Variants in CCDC192 observed in about 807,000 individuals in gnomAD.
CCDC192 encodes the protein coiled-coil domain-containing protein 192.
intron 3 of CCDC192, among the ~76,000 whole-genome samples, chr5:127,760,333 A>G (rs966395837): frequency 6.6e-6 from 1 of 151,652 alleles, no homozygotes; most frequent in Non-Finnish European, 1.5e-5. Flanking sequence ...AAGACTGGGA[A>G]ACAAAAATAA....
At chr5:127,863,807 G>A (rs1751476745) in intron 5 of CCDC192, among the ~76,000 whole-genome samples, 1 of 152,114 alleles carries the variant, frequency 6.6e-6, no homozygotes, top group Non-Finnish European at 1.5e-5. Context: ...TTTAGATAAG[G>A]CACTATAAAA....
At chr5:127,907,285 T>C (rs1023313969) in intron 6 of CCDC192, among the ~76,000 whole-genome samples, 3 of 152,154 alleles carry the variant, frequency 2.0e-5, no homozygotes, top group African/African-American at 4.8e-5. Flanking sequence ...AATTCATTTA[T>C]ATAGGGGTAT....
chr5:127,832,437 T>C (rs1749842514), intron 5 of CCDC192, among the ~76,000 whole-genome samples: 1 of 152,144 alleles, frequency 6.6e-6, no homozygotes, highest in South Asian at 2.1e-4. Context: ...CAAAATGATC[T>C]AGACAGTATA....
At chr5:127,708,530 C>T (rs1016393459) in intron 2 of CCDC192, among the ~76,000 whole-genome samples, 1 of 152,204 alleles carries the variant, frequency 6.6e-6, no homozygotes, top group Non-Finnish European at 1.5e-5. Flanking sequence ...CTGGAACAAT[C>T]TTTTCAGCTC....
At chr5:127,858,905 G>T (rs1751229386) in intron 5 of CCDC192, among the ~76,000 whole-genome samples, 1 of 151,214 alleles carries the variant, frequency 6.6e-6, no homozygotes. Context: ...ATCATCAAGG[G>T]GCTCAAATTA....
chr5:127,723,655 C>G (rs748474237), intron 2 of CCDC192, among the ~76,000 whole-genome samples: 1 of 152,214 alleles, frequency 6.6e-6, no homozygotes, highest in Admixed American at 6.5e-5. Flanking sequence ...GTTACTTAAT[C>G]TAGCCTTTCT....
chr5:127,746,040 T>TG (rs199905408), intron 2 of CCDC192, among the ~76,000 whole-genome samples: 1 of 152,258 alleles, frequency 6.6e-6, no homozygotes, highest in East Asian at 1.9e-4. Context: ...TTTCTGTTAA[T>TG]GGGGTTACCT....
chr5:127,891,596 C>T (rs1430494412), intron 6 of CCDC192, among the ~76,000 whole-genome samples: 1 of 152,186 alleles, frequency 6.6e-6, no homozygotes. Flanking sequence ...CTCATGCATG[C>T]ATCATATACT....
At chr5:127,707,664 G>A (rs1751050890) in intron 1 of CCDC192, 45 bp from the exon 2 acceptor site, 2 of 397,654 alleles carry the variant, frequency 5.0e-6, no homozygotes, top group Admixed American at 8.8e-5. Flanking sequence ...GCACATGAGA[G>A]CCTGAAATAA....
intron 6 of CCDC192, among the ~76,000 whole-genome samples, chr5:127,921,178 AGAAG>A (rs1020171170): frequency 8.3e-6 from 1 of 121,006 alleles, no homozygotes; most frequent in Non-Finnish European, 1.7e-5. Flanking sequence ...AGAAAAGAAA[AGAAG>A]GAAGGAAAGA....
At chr5:127,759,722 C>T (rs552450321) in intron 3 of CCDC192, among the ~76,000 whole-genome samples, 3 of 152,140 alleles carry the variant, frequency 2.0e-5, no homozygotes, top group Non-Finnish European at 2.9e-5. Flanking sequence ...CATAAATTAA[C>T]GAGTTCCAAC....
chr5:127,931,619 T>C (rs897193472), intron 6 of CCDC192, among the ~76,000 whole-genome samples: 3 of 152,122 alleles, frequency 2.0e-5, no homozygotes, highest in Admixed American at 2.0e-4. Context: ...GAAATTCACT[T>C]GTAGAAACCT....
At chr5:127,744,439 C>A (rs1295580586) in intron 2 of CCDC192, among the ~76,000 whole-genome samples, 1 of 152,078 alleles carries the variant, frequency 6.6e-6, no homozygotes, top group East Asian at 1.9e-4. Context: ...GTTTATCTGG[C>A]AGGAAGTTAC....
rs551379523 is a variant in CCDC192 at position 127,933,457 on chromosome 5, G to A, written c.536-7725G>A. On this transcript the variant is annotated intron_variant, in intron 6 of 6. Coordinates refer to ENST00000514853, the MANE Select transcript of CCDC192 (RefSeq NM_001317938.2). Reference sequence around the variant, plus strand: ...AGTATATGCCTCAGACTGAGCATAAGAAGTAAGATAGGAATCTGTATTTCT... The same window carrying A: ...AGTATATGCCTCAGACTGAGCATAAAAAGTAAGATAGGAATCTGTATTTCT... Among the ~76,000 whole-genome samples the A allele has an allele frequency of 1.6e-4, 24 of 152,298 alleles. No individual in the cohort carries two copies. The South Asian group carries it at 5.0e-3, about 32-fold the overall frequency.
Position 127,755,579 on chromosome 5 carries a change from G to GT in CCDC192, c.222+1217dup, listed in dbSNP as rs1445118228. 5.4e-3 allele frequency among the ~76,000 whole-genome samples: 686 copies of GT among 128,078 alleles called. 1 individual carries two copies. Among genetic ancestry groups the GT allele is most frequent in the African/African-American group, 0.011 (391 of 35,076 alleles). The allele number at this position is 128,078 out of a possible 152,430, so 84.0% of individuals were successfully genotyped here. A position where few individuals can be genotyped will look rare whatever the true frequency, so the allele number is the denominator to read the frequency against. ...CCATAGCTCTAGCCTGCCAACTGTTGTTTTTTTTTTTTTCTAAAATAAACA... is the reference window on the plus strand; with the variant it reads ...CCATAGCTCTAGCCTGCCAACTGTTGTTTTTTTTTTTTTTCTAAAATAAACA... On this transcript the variant is annotated intron_variant, in intron 3 of 6. Coordinates refer to ENST00000514853, the MANE Select transcript of CCDC192 (RefSeq NM_001317938.2).
At chr5:127,829,676 G>A (rs1749695471) in intron 5 of CCDC192, among the ~76,000 whole-genome samples, 1 of 152,020 alleles carries the variant, frequency 6.6e-6, no homozygotes, top group Admixed American at 6.5e-5. Flanking sequence ...CATCTTAGTG[G>A]GCTTTTATTG....
At chr5:127,894,178 T>A (rs1199697479) in intron 6 of CCDC192, among the ~76,000 whole-genome samples, 1 of 150,048 alleles carries the variant, frequency 6.7e-6, no homozygotes, top group Admixed American at 6.8e-5. Context: ...GATACTTTAG[T>A]CCTATCTAAT....
intron 5 of CCDC192, 38 bp downstream of exon 5, chr5:127,798,200 G>A (rs919276810): frequency 1.3e-5 from 5 of 397,716 alleles, no homozygotes; most frequent in Non-Finnish European, 1.8e-5. Flanking sequence ...CTTTATTTAT[G>A]TCATTGTTAG....
intron 3 of CCDC192, among the ~76,000 whole-genome samples, chr5:127,790,943 C>A (rs1322369376): frequency 2.0e-5 from 3 of 152,040 alleles, no homozygotes; most frequent in Non-Finnish European, 4.4e-5. Context: ...TATTTGCTTA[C>A]AAAAAAGAAA....
Sources: allele counts gnomAD v4.1 joint callset (sites outside exome capture counted in the v4.1 genomes callset), GRCh38; gene constraint gnomAD v4.1.1; transcripts MANE v1.5; gene names NCBI Gene and HGNC (gene_info 2026-07-23, HGNC 2026-07-21).